Variants in SIPA1L1 observed in about 807,000 individuals in gnomAD.
SIPA1L1 encodes signal induced proliferation associated 1 like 1.
SIPA1L1 carries 26 observed loss-of-function variants against 162.7 expected under a neutral mutation model. The ratio of observed to expected loss-of-function variants is 0.16; its 90% CI spans 0.12 to 0.22. The LOEUF (loss-of-function observed/expected upper bound fraction) is 0.22. SIPA1L1 is among the 10% of genes least tolerant of loss of function. The pLI is 1.00. For synonymous variants in SIPA1L1, 829 were observed against 837.4 expected, an observed-to-expected ratio of 0.99 and a Z score of 0.17; for missense variants, 1,874 against 2,241.0, an observed-to-expected ratio of 0.84 and a Z score of 3.31.
intron 5 of SIPA1L1, among the ~76,000 whole-genome samples, chr14:71,611,355 G>C (rs1377242568): frequency 6.6e-6 from 1 of 152,054 alleles, no homozygotes; most frequent in Non-Finnish European, 1.5e-5. Flanking sequence ...TGAAAAATTT[G>C]AACAGTGAGT....
intron 13 of SIPA1L1, among the ~76,000 whole-genome samples, chr14:71,693,786 G>A (rs1431799423): frequency 1.3e-5 from 2 of 150,326 alleles, no homozygotes; most frequent in Admixed American, 6.7e-5. Context: ...GAAGACAGAA[G>A]ACTTTAACTT....
chr14:71,375,097 A>T (rs1175822121), intron 2 of SIPA1L1, among the ~76,000 whole-genome samples: 1 of 152,152 alleles, frequency 6.6e-6, no homozygotes, highest in Non-Finnish European at 1.5e-5. Context: ...AGATTAGAGA[A>T]TTCTTCAGTT....
At chr14:71,456,443 A>G (rs1036930643) in intron 2 of SIPA1L1, among the ~76,000 whole-genome samples, 5 of 152,264 alleles carry the variant, frequency 3.3e-5, no homozygotes, top group Non-Finnish European at 5.9e-5. Flanking sequence ...TGTTTATTAT[A>G]CATTGGTCTG....
intron 2 of SIPA1L1, among the ~76,000 whole-genome samples, chr14:71,463,452 G>A (rs910360419): frequency 1.6e-4 from 24 of 152,182 alleles, no homozygotes; most frequent in Non-Finnish European, 1.5e-4. Context: ...CTACAGTGAC[G>A]TTTTGGGTCC....
intron 4 of SIPA1L1, among the ~76,000 whole-genome samples, chr14:71,561,911 T>G (rs2056828121): frequency 6.6e-6 from 1 of 152,198 alleles, no homozygotes; most frequent in South Asian, 2.1e-4. Flanking sequence ...CCTACTTATT[T>G]TTTTTCCTCT....
chr14:71,389,675 G>A (rs1413650793), intron 2 of SIPA1L1, among the ~76,000 whole-genome samples: 1 of 152,162 alleles, frequency 6.6e-6, no homozygotes, highest in Non-Finnish European at 1.5e-5. Context: ...TTTGGTAATA[G>A]GCAGTGTTTT....
chr14:71,379,697 CGT>C (rs956756871), intron 2 of SIPA1L1: 13 of 152,040 alleles, frequency 8.6e-5, no homozygotes, highest in African/African-American at 3.1e-4. Context: ...AAAAAGAGTG[CGT>C]GTGTGTGCGC....
At chr14:71,464,025 C>T (rs893980676) in intron 2 of SIPA1L1, among the ~76,000 whole-genome samples, 3 of 152,122 alleles carry the variant, frequency 2.0e-5, no homozygotes, top group Non-Finnish European at 4.4e-5. Flanking sequence ...ACTGTGCTTC[C>T]CACCATGAGA....
At chr14:71,725,372 C>T (rs2084138411) in intron 19 of SIPA1L1, among the ~76,000 whole-genome samples, 1 of 152,204 alleles carries the variant, frequency 6.6e-6, no homozygotes, top group African/African-American at 2.4e-5. Flanking sequence ...TGTACAGCTG[C>T]TGCTTCAATC....
chr14:71,679,140 T>A (rs935223204), intron 12 of SIPA1L1, among the ~76,000 whole-genome samples: 33 of 152,072 alleles, frequency 2.2e-4, no homozygotes, highest in Non-Finnish European at 4.3e-4. Flanking sequence ...ATTGTCAGAT[T>A]CACCAAAGTT....
intron 2 of SIPA1L1, among the ~76,000 whole-genome samples, chr14:71,468,564 T>A (rs1222212174): frequency 1.3e-5 from 2 of 152,130 alleles, no homozygotes; most frequent in African/African-American, 2.4e-5. Flanking sequence ...TTTAAGCCAC[T>A]CATGGGTTTT....
intron 2 of SIPA1L1, among the ~76,000 whole-genome samples, chr14:71,378,140 G>A (rs1004999063): frequency 6.6e-6 from 1 of 151,944 alleles, no homozygotes. Flanking sequence ...CTAAAAGTGT[G>A]TCGGTTTTGT....
intron 4 of SIPA1L1, among the ~76,000 whole-genome samples, chr14:71,585,138 G>A (rs1337115497): frequency 7.8e-6 from 1 of 128,504 alleles, no homozygotes; most frequent in Non-Finnish European, 1.6e-5. Context: ...AAATAAGAAT[G>A]AGAAAAGGGA....
intron 10 of SIPA1L1, among the ~76,000 whole-genome samples, 170 bp downstream of exon 10, chr14:71,661,637 G>A (rs1388042896): frequency 6.6e-6 from 1 of 152,132 alleles, no homozygotes; most frequent in African/African-American, 2.4e-5. Context: ...TAATCTGGTG[G>A]CATTGACATT....
At chr14:71,660,618 A>G (rs2043429767) in intron 9 of SIPA1L1, among the ~76,000 whole-genome samples, 1 of 152,170 alleles carries the variant, frequency 6.6e-6, no homozygotes, top group Admixed American at 6.5e-5. Context: ...TTTGAGAAAC[A>G]CAAATTTTGT....
chr14:71,672,942 CA>C (rs570797370), intron 12 of SIPA1L1, among the ~76,000 whole-genome samples: 433 of 152,326 alleles, frequency 2.8e-3, no homozygotes, highest in African/African-American at 5.5e-3. Context: ...ACATTGAACA[CA>C]TTGAACATTA....
intron 2 of SIPA1L1, among the ~76,000 whole-genome samples, chr14:71,505,141 CT>C (rs1647870874): frequency 6.6e-6 from 1 of 152,134 alleles, no homozygotes; most frequent in Non-Finnish European, 1.5e-5. Flanking sequence ...AACCTTGATT[CT>C]TTTCCAAACT....
At chr14:71,577,463 G>A (rs1404839361) in intron 4 of SIPA1L1, among the ~76,000 whole-genome samples, 5 of 150,606 alleles carry the variant, frequency 3.3e-5, no homozygotes, top group African/African-American at 9.8e-5. Context: ...TGCAACCTCC[G>A]CCTCCCATGT....
chr14:71,567,607 A>G (rs1183268371), intron 4 of SIPA1L1, among the ~76,000 whole-genome samples: 2 of 151,154 alleles, frequency 1.3e-5, no homozygotes. Context: ...CAGATTATTC[A>G]TGAGTTTTCT....
Sources: gnomAD v4.1 joint callset for allele counts (sites outside exome capture counted in the v4.1 genomes callset) on GRCh38, gnomAD v4.1.1 for gene constraint, MANE v1.5 for transcripts, NCBI Gene and HGNC (gene_info 2026-07-23, HGNC 2026-07-21) for gene names.